RUNDC3B: variants seen among roughly 807,000 people sequenced by gnomAD.
RUNDC3B encodes the protein RUN domain-containing protein 3B.
A neutral mutation model predicts 58.4 loss-of-function variants in RUNDC3B; 33 were observed. That is an observed-to-expected ratio of 0.56 (90% CI 0.43 to 0.75). RUNDC3B has a LOEUF of 0.75. Among genes scored for constraint, RUNDC3B ranks in the 30% least tolerant of loss-of-function variants. RUNDC3B has a pLI of 0.00. For missense variants in RUNDC3B, 501 were observed against 535.7 expected (o/e 0.94, Z 0.64); for synonymous variants, 193 against 195.2 (o/e 0.99, Z 0.10).
intron 2 of RUNDC3B, among the ~76,000 whole-genome samples, chr7:87,687,214 C>T (rs1164630708): frequency 1.3e-5 from 2 of 151,676 alleles, no homozygotes; most frequent in Admixed American, 1.3e-4. Context: ...TGTTCTCTAC[C>T]CTTATCAGTC....
rs568005966 is a variant in RUNDC3B, at chr7:87,750,792, T to C, written c.629+9213T>C. On this transcript the variant is annotated intron_variant, in intron 6 of 10. Transcript: ENST00000394654. ...TTCTGGATATTAGCCCTTTGTCAGA[T>C]GAGTAGGTTGCGAAAATTTTCTCCC... Among the ~76,000 whole-genome samples the C allele has an allele frequency of 3.8e-4, 58 of 151,202 alleles. 1 individual carries two copies. In the South Asian group the frequency reaches 0.012, roughly 32 times the overall value.
chr7:87,658,682 T>C (rs1824378309), intron 2 of RUNDC3B, among the ~76,000 whole-genome samples: 1 of 152,198 alleles, frequency 6.6e-6, no homozygotes, highest in Non-Finnish European at 1.5e-5. Context: ...ACAGTAGATT[T>C]CTGATCAGAA....
intron 4 of RUNDC3B, among the ~76,000 whole-genome samples, chr7:87,718,293 G>A (rs1830678421): frequency 6.6e-6 from 1 of 152,142 alleles, no homozygotes; most frequent in African/African-American, 2.4e-5. Flanking sequence ...GTCCACCAGG[G>A]AAGCTCATTA....
At chr7:87,719,720 G>A (rs528235010) in intron 4 of RUNDC3B, among the ~76,000 whole-genome samples, 3 of 151,762 alleles carry the variant, frequency 2.0e-5, no homozygotes, top group Admixed American at 1.3e-4. Flanking sequence ...AAACACTGAG[G>A]TGATGAGGAG....
chr7:87,761,427 A>G (rs1023401624), intron 6 of RUNDC3B, among the ~76,000 whole-genome samples: 1 of 151,990 alleles, frequency 6.6e-6, no homozygotes, highest in African/African-American at 2.4e-5. Flanking sequence ...TCTAAGTTAA[A>G]TACAGAATTA....
intron 6 of RUNDC3B, among the ~76,000 whole-genome samples, chr7:87,742,734 T>C (rs781504834): frequency 2.8e-4 from 43 of 152,162 alleles, no homozygotes; most frequent in Non-Finnish European, 5.1e-4. Flanking sequence ...GGGATGATTA[T>C]TAAATCTAAA....
intron 6 of RUNDC3B, among the ~76,000 whole-genome samples, chr7:87,761,206 C>A (rs1833661461): frequency 6.6e-6 from 1 of 151,778 alleles, no homozygotes; most frequent in South Asian, 2.1e-4. Context: ...TGTACAGTGG[C>A]CCAGAAGCAC....
chr7:87,729,527 G>A (rs1405100353), intron 4 of RUNDC3B, among the ~76,000 whole-genome samples: 1 of 152,166 alleles, frequency 6.6e-6, no homozygotes, highest in Non-Finnish European at 1.5e-5. Context: ...CCTACAGAGG[G>A]AGCTTCTCTA....
chr7:87,785,539 C>G (rs1425666713), intron 8 of RUNDC3B, among the ~76,000 whole-genome samples: 2 of 152,200 alleles, frequency 1.3e-5, no homozygotes, highest in Non-Finnish European at 2.9e-5. Context: ...GCTCCCAGGT[C>G]ACTGGCAAAA....
At chr7:87,742,224 A>G (rs1420153018) in intron 6 of RUNDC3B, among the ~76,000 whole-genome samples, 2 of 152,060 alleles carry the variant, frequency 1.3e-5, no homozygotes, top group Non-Finnish European at 2.9e-5. Context: ...TTATTTTTCC[A>G]TAAATTATTG....
intron 1 of RUNDC3B, among the ~76,000 whole-genome samples, chr7:87,636,344 C>T (rs1049261303): frequency 1.3e-5 from 2 of 152,124 alleles, no homozygotes; most frequent in Admixed American, 1.3e-4. Flanking sequence ...AGCACCTTTC[C>T]GTAAGTCTGT....
intron 2 of RUNDC3B, among the ~76,000 whole-genome samples, chr7:87,660,721 C>A (rs1470254562): frequency 1.3e-5 from 2 of 151,780 alleles, no homozygotes; most frequent in East Asian, 3.9e-4. Flanking sequence ...AAATTTTTCT[C>A]CAACTACTGC....
chr7:87,689,385 A>G (rs1194109086), intron 2 of RUNDC3B, among the ~76,000 whole-genome samples: 1 of 152,120 alleles, frequency 6.6e-6, no homozygotes, highest in Non-Finnish European at 1.5e-5. Flanking sequence ...ATTAGCATAG[A>G]GCAATTTGCA....
At chr7:87,730,650 G>A (rs1831522089) in intron 4 of RUNDC3B, among the ~76,000 whole-genome samples, 1 of 151,768 alleles carries the variant, frequency 6.6e-6, no homozygotes, top group East Asian at 1.9e-4. Flanking sequence ...GTCCCTGAAG[G>A]GAAGGACACA....
At chr7:87,667,870 T>A (rs1426878160) in intron 2 of RUNDC3B, among the ~76,000 whole-genome samples, 1 of 152,204 alleles carries the variant, frequency 6.6e-6, no homozygotes, top group East Asian at 1.9e-4. Context: ...TTTGATGTGC[T>A]GCCAGATTTG....
At chr7:87,748,591 A>G (rs1196007175) in intron 6 of RUNDC3B, among the ~76,000 whole-genome samples, 1 of 152,178 alleles carries the variant, frequency 6.6e-6, no homozygotes. Context: ...AAATATGTAT[A>G]TATGTCACAC....
At chr7:87,675,915 C>G (rs560606971) in intron 2 of RUNDC3B, among the ~76,000 whole-genome samples, 1 of 152,140 alleles carries the variant, frequency 6.6e-6, no homozygotes, top group Non-Finnish European at 1.5e-5. Context: ...AGTGGAACGA[C>G]ATTAAACTGA....
chr7:87,682,830 A>G (rs1175058939), intron 2 of RUNDC3B, among the ~76,000 whole-genome samples: 2 of 152,214 alleles, frequency 1.3e-5, no homozygotes, highest in Non-Finnish European at 2.9e-5. Context: ...TTAGCCCCTA[A>G]TAAGAGAGTC....
intron 8 of RUNDC3B, among the ~76,000 whole-genome samples, chr7:87,787,062 A>G (rs1835259561): frequency 6.6e-6 from 1 of 152,178 alleles, no homozygotes; most frequent in East Asian, 1.9e-4. Flanking sequence ...TAAGGCATAA[A>G]TTGGTGTCTT....
Sources: allele counts gnomAD v4.1 joint callset (sites outside exome capture counted in the v4.1 genomes callset), GRCh38; gene constraint gnomAD v4.1.1; transcripts MANE v1.5; gene names NCBI Gene and HGNC (gene_info 2026-07-23, HGNC 2026-07-21).